The following KLRD1 variants were observed in gnomAD, a reference collection of about 807,000 sequenced individuals.
KLRD1 encodes killer cell lectin like receptor D1.
In KLRD1, 21 loss-of-function variants were observed where a neutral mutation model predicts 22.6. The observed-to-expected ratio is 0.93, with a 90% CI of 0.66 to 1.34. The LOEUF is 1.34. Among genes scored for constraint, KLRD1 ranks in the 40% most tolerant of loss-of-function variants. The pLI, the probability that KLRD1 is intolerant of heterozygous loss-of-function variation, is 0.00. For synonymous variants in KLRD1, 59 were observed against 71.1 expected, an observed-to-expected ratio of 0.83 and a Z score of 0.85; for missense variants, 183 against 208.6, an observed-to-expected ratio of 0.88 and a Z score of 0.76.
rs769283795 is a variant in KLRD1, at chr12:10,313,425, A to G, written c.331A>G (p.Ser111Gly). ...CTTGAAGCAGGATTTTATGAGCTCC[A>G]GTCAACAATTTTACTGGATTGGACT... Reference protein sequence around the residue: ...NTDELDFMSSSQQFYWIGLSY... With the variant: ...NTDELDFMSSGQQFYWIGLSY... The change falls in exon 5 of 6, where the codon AGT becomes GGT. Residue 111 changes from serine (S) to glycine (G), a missense_variant. By Grantham distance (56) the Ser-to-Gly change is moderately conservative. Coordinates refer to ENST00000336164, the MANE Select transcript of KLRD1 (RefSeq NM_002262.5). The G allele has an allele frequency of 5.6e-6, 9 of 1,600,564 alleles. No homozygotes were observed. The South Asian group carries it at 7.8e-5, about 14-fold the overall frequency.
At chr12:10,243,635 C>CAAAAT (rs1345933026) in intron 1 of KLRD1, among the ~76,000 whole-genome samples, 2 of 86,712 alleles carry the variant, frequency 2.3e-5, no homozygotes, top group Non-Finnish European at 4.4e-5. Context: ...AAAAAAAAAC[C>CAAAAT]GAAATGAAAG....
rs137861212 is a variant in KLRD1 at position 10,250,201 on chromosome 12, CTT to C, written c.-101+23993_-101+23994del. ...TTCCCAAGGTGGTGATAACGTTTTG[CTT>C]TTTTTTTTTTTTTTTTTTTTTTTTA... On this transcript the variant is annotated intron_variant, in intron 1 of 5. Coordinates refer to the KLRD1 transcript ENST00000544747. Among the ~76,000 whole-genome samples the C allele has an allele frequency of 3.5e-3, 331 of 94,538 alleles. 1 individual carries two copies. The highest frequency in any genetic ancestry group is 0.011 in the African/African-American group (266 of 23,138). 62.0% of individuals were successfully genotyped at this position (94,538 alleles called of 152,430 possible).
chr12:10,263,236 G>T (rs1042273001), intron 1 of KLRD1, among the ~76,000 whole-genome samples: 1 of 151,870 alleles, frequency 6.6e-6, no homozygotes, highest in Non-Finnish European at 1.5e-5. Context: ...AGCATACCTT[G>T]AATAATGGTA....
chr12:10,303,391 G>T (rs1320469485), upstream of KLRD1, among the ~76,000 whole-genome samples: 1 of 152,132 alleles, frequency 6.6e-6, no homozygotes, highest in African/African-American at 2.4e-5. Flanking sequence ...GTTTATTGGA[G>T]GGGGCTTCTG....
At chr12:10,312,579 C>T (rs1475194561) in intron 4 of KLRD1, among the ~76,000 whole-genome samples, 3 of 148,254 alleles carry the variant, frequency 2.0e-5, no homozygotes, top group South Asian at 2.2e-4. Context: ...GCGGTTTCAC[C>T]GTGTTAGCCA....
intron 1 of KLRD1, among the ~76,000 whole-genome samples, chr12:10,273,333 G>A (rs1218541533): frequency 6.6e-6 from 1 of 152,162 alleles, no homozygotes; most frequent in Non-Finnish European, 1.5e-5. Context: ...ATAATTATAT[G>A]TGTGTTTGTA....
rs1180783396 is a variant in KLRD1, at chr12:10,314,949, G to A, written c.*156G>A. ...AATTGTCATGTATGTGAAACAATGT[G>A]TTTTAAAATTGATGAAATTCGTTCA... On this transcript the variant is annotated 3_prime_UTR_variant, in exon 6 of 6. Transcript: ENST00000336164. The A allele has an allele frequency of 1.7e-6, 1 of 579,324 alleles. No individual in the cohort carries two copies. The highest frequency in any genetic ancestry group is 2.8e-6 in the Non-Finnish European group (1 of 353,516). 35.9% of individuals were successfully genotyped at this position (579,324 alleles called of 1,614,324 possible).
chr12:10,310,867 G>A (rs1358279188), intron 3 of KLRD1, among the ~76,000 whole-genome samples: 1 of 152,224 alleles, frequency 6.6e-6, no homozygotes, highest in Non-Finnish European at 1.5e-5. Flanking sequence ...CCTATGACGT[G>A]TCATGTTTTT....
chr12:10,305,824 TAC>T (rs1211592671), upstream of KLRD1, among the ~76,000 whole-genome samples: 2 of 152,044 alleles, frequency 1.3e-5, no homozygotes, highest in African/African-American at 4.8e-5. Flanking sequence ...GTGGGAGAGA[TAC>T]AGTACATGGA....
chr12:10,276,874 T>C (rs900930927), intron 1 of KLRD1, among the ~76,000 whole-genome samples: 1 of 152,154 alleles, frequency 6.6e-6, no homozygotes, highest in Non-Finnish European at 1.5e-5. Flanking sequence ...CTTTTCTGCA[T>C]ACTTAGTGAC....
At chr12:10,289,326 A>G (rs562788227) in intron 1 of KLRD1, among the ~76,000 whole-genome samples, 19 of 152,240 alleles carry the variant, frequency 1.2e-4, no homozygotes, top group African/African-American at 2.2e-4. Flanking sequence ...TAGGTCCTAT[A>G]TAAAGGACTA....
intron 1 of KLRD1, among the ~76,000 whole-genome samples, chr12:10,299,352 A>G (rs1949848316): frequency 6.6e-6 from 1 of 152,186 alleles, no homozygotes; most frequent in Admixed American, 6.5e-5. Context: ...AACTAGCTAC[A>G]ATATCCTTTG....
rs1949306412 is a variant in KLRD1 at position 10,247,840 on chromosome 12, T to C, written c.-101+21607T>C. On this transcript the variant is annotated intron_variant, in intron 1 of 5. Coordinates refer to the KLRD1 transcript ENST00000544747. ...CGGCCACCCAGTGAAGAGGGACGTATTTGCTTCCCCTTCTGCCACGATTGA... is the reference window on the plus strand; with the variant it reads ...CGGCCACCCAGTGAAGAGGGACGTACTTGCTTCCCCTTCTGCCACGATTGA... Among the ~76,000 whole-genome samples the C allele has an allele frequency of 7.9e-5, 12 of 152,150 alleles. No individual in the cohort carries two copies. In the South Asian group the frequency reaches 2.5e-3, roughly 32 times the overall value.
intron 1 of KLRD1, among the ~76,000 whole-genome samples, chr12:10,295,375 C>T (rs898892228): frequency 6.6e-6 from 1 of 152,066 alleles, no homozygotes; most frequent in African/African-American, 2.4e-5. Context: ...GGAACAGATT[C>T]AAGTATCTGA....
rs904446543 is a variant in KLRD1 at position 10,324,920 on chromosome 12, G to C, written c.*10127G>C. The C allele has an allele frequency of 2.0e-5, 3 of 148,104 alleles. No homozygotes were observed. The highest frequency in any genetic ancestry group is 7.4e-5 in the African/African-American group (3 of 40,408). The allele number at this position is 148,104 out of a possible 1,614,324, so 9.2% of individuals were successfully genotyped here. A position where few individuals can be genotyped will look rare whatever the true frequency, so the allele number is the denominator to read the frequency against. ...ATTCACTTATCCTAGCAGCATTTCT[G>C]TAGATTTCATTGGGTTATCTGCATA... is the stretch of plus-strand genomic sequence containing the variant. On this transcript the variant is annotated 3_prime_UTR_variant, in exon 6 of 6. Coordinates refer to ENST00000336164, the MANE Select transcript of KLRD1 (RefSeq NM_002262.5).
chr12:10,245,340 A>G (rs1949280949), intron 1 of KLRD1, among the ~76,000 whole-genome samples: 1 of 152,214 alleles, frequency 6.6e-6, no homozygotes, highest in Non-Finnish European at 1.5e-5. Context: ...CCTGGGCGAC[A>G]GAGCAAGACT....
At chr12:10,289,749 G>A (rs919417101) in intron 1 of KLRD1, among the ~76,000 whole-genome samples, 1 of 152,166 alleles carries the variant, frequency 6.6e-6, no homozygotes, top group African/African-American at 2.4e-5. Flanking sequence ...TTTGTGTAAT[G>A]TATCTGGTCC....
intron 1 of KLRD1, among the ~76,000 whole-genome samples, chr12:10,246,905 CTTTT>C (rs1282639604): frequency 1.5e-5 from 2 of 136,700 alleles, no homozygotes; most frequent in Non-Finnish European, 3.1e-5. Flanking sequence ...TAGGGAATTT[CTTTT>C]TTCTTTTTCT....
At chr12:10,263,619 T>C (rs1949473612) in intron 1 of KLRD1, among the ~76,000 whole-genome samples, 1 of 152,070 alleles carries the variant, frequency 6.6e-6, no homozygotes, top group South Asian at 2.1e-4. Flanking sequence ...CTGATCCCTG[T>C]CCAATAACAA....
Sources: allele counts gnomAD v4.1 joint callset (sites outside exome capture counted in the v4.1 genomes callset), GRCh38; gene constraint gnomAD v4.1.1; transcripts MANE v1.5; gene names NCBI Gene and HGNC (gene_info 2026-07-23, HGNC 2026-07-21).